HKDC1: variants seen among roughly 807,000 people sequenced by gnomAD.
HKDC1 encodes the protein hexokinase HKDC1.
In HKDC1, 66 loss-of-function variants were observed where a neutral mutation model predicts 96.6. That is an observed-to-expected ratio of 0.68 (90% confidence interval 0.56 to 0.84). The LOEUF (loss-of-function observed/expected upper bound fraction) is 0.84. Among genes scored for constraint, HKDC1 ranks in the 40% least tolerant of loss-of-function variants. The pLI, the probability that HKDC1 is intolerant of heterozygous loss-of-function variation, is 0.00. For synonymous variants in HKDC1, 466 were observed against 473.1 expected (o/e 0.98, Z 0.20); for missense variants, 1,211 against 1,208.1 (o/e 1.00, Z -0.04).
At chr10:69,226,756 C>A (rs1165833059) in intron 1 of HKDC1, among the ~76,000 whole-genome samples, 1 of 152,130 alleles carries the variant, frequency 6.6e-6, no homozygotes, top group Non-Finnish European at 1.5e-5. Flanking sequence ...CAAAGAGAAA[C>A]CTGTCTAGCT....
At chr10:69,247,121 G>T (rs1274510878) in intron 8 of HKDC1, among the ~76,000 whole-genome samples, 1 of 152,202 alleles carries the variant, frequency 6.6e-6, no homozygotes, top group Non-Finnish European at 1.5e-5. Flanking sequence ...CCTCCCGCAG[G>T]ATTTTTGTGG....
rs776482675 is a variant in HKDC1 at position 69,248,704 on chromosome 10, G to C, written c.1546G>C (p.Val516Leu). 7 of 1,610,888 alleles carry C rather than the reference G, an allele frequency of 4.3e-6. No homozygotes were observed. Among genetic ancestry groups the C allele is most frequent in the Non-Finnish European group, 5.9e-6 (7 of 1,177,916 alleles). Residue 516 changes from valine to leucine, a missense_variant, in exon 10 of 18, where the codon GTC (valine) becomes CTC (leucine). Val to Leu is a conservative substitution (Grantham distance 32). Transcript: ENST00000354624. ...LATVRMLPTY[V>L]CGLPDGTEKG... ...CACGGTCAGGATGCTGCCCACCTAC[G>C]TCTGCGGGCTGCCGGACGGCACAGG...
intron 2 of HKDC1, chr10:69,232,301 C>G (rs926768660): frequency 4.1e-5 from 7 of 172,426 alleles, no homozygotes; most frequent in Non-Finnish European, 7.5e-5. Context: ...TGTTTTCCCT[C>G]TGCCCATAGG....
Position 69,266,440 on chromosome 10 carries a change from G to A in HKDC1, c.2607-170G>A, listed in dbSNP as rs75744233. On this transcript the variant is annotated intron_variant, in intron 17 of 17. Coordinates refer to ENST00000354624, the MANE Select transcript of HKDC1 (RefSeq NM_025130.4). ...ATTGCACAACTGCAGTCTACACCCT[G>A]GGCAACAGAGTGAGACCATGTCTAA... Among the ~76,000 whole-genome samples the A allele has an allele frequency of 2.5e-3, 364 of 143,878 alleles. 2 individuals are homozygous for A. The highest frequency in any genetic ancestry group is 9.1e-3 in the African/African-American group (350 of 38,362). 94.4% of individuals were successfully genotyped at this position (143,878 alleles called of 152,430 possible). A position where few individuals can be genotyped will look rare whatever the true frequency, so the allele number is the denominator to read the frequency against.
At chr10:69,234,218 T>C (rs556332703) in intron 4 of HKDC1, among the ~76,000 whole-genome samples, 2 of 152,276 alleles carry the variant, frequency 1.3e-5, no homozygotes, top group East Asian at 3.9e-4. Context: ...TGATGCCCAG[T>C]TGACAGTCAC....
chr10:69,257,301 TTTTTTG>T lies in HKDC1; in HGVS notation c.1933-8_1933-3del, dbSNP rs756592315. The stretch of plus-strand genomic sequence containing the variant: ...ATTCAACTCATAGTAAAGCTGGGTT[TTTTTTG>T]TTTTTGTTTTTGTTTTTAGGAGTTT... On this transcript the variant is annotated intron_variant, in intron 13 of 17. Transcript: ENST00000354624. 2.5e-6 allele frequency: 4 copies of T among 1,596,364 alleles called. No individual in the cohort carries two copies. Among genetic ancestry groups the T allele is most frequent in the African/African-American group, 1.3e-5 (1 of 74,528 alleles).
chr10:69,247,656 C>T, intron 9 of HKDC1, 63 bp downstream of exon 9: 1 of 1,303,402 alleles, frequency 7.7e-7, no homozygotes, highest in South Asian at 1.3e-5. Context: ...GCCCCAGTGT[C>T]TTCTGGACTA....
At chr10:69,229,401 G>T (rs4075240) in intron 2 of HKDC1, among the ~76,000 whole-genome samples, 1 of 152,052 alleles carries the variant, frequency 6.6e-6, no homozygotes, top group South Asian at 2.1e-4. Context: ...GTTGAGCTTC[G>T]GAGAGAGACA....
At chr10:69,234,889 G>A (rs1843336687) in intron 4 of HKDC1, among the ~76,000 whole-genome samples, 2 of 152,256 alleles carry the variant, frequency 1.3e-5, no homozygotes, top group Admixed American at 1.3e-4. Context: ...GTGGGAATTT[G>A]CCATCATCTA....
rs1203217053 is a variant in HKDC1, at chr10:69,250,605, T to C, written c.1789T>C (p.Leu597=). ...GGGCCTCAAGGGAGCCTCCCTACCT[T>C]TGGGCTTCACATTCTCATTTCCCTG... ...YMGLKGASLP[L]GFTFSFPCRQ... Residue 597 remains leucine (L), a synonymous_variant, in exon 12 of 18, where the codon TTG becomes CTG. Transcript: ENST00000354624. The C allele has an allele frequency of 6.2e-7, 1 of 1,614,024 alleles. No individual in the cohort carries two copies. Among genetic ancestry groups the C allele is most frequent in the South Asian group, 1.1e-5 (1 of 91,088 alleles).
intron 6 of HKDC1, among the ~76,000 whole-genome samples, chr10:69,242,236 A>T (rs1161579215): frequency 6.6e-6 from 1 of 152,202 alleles, no homozygotes; most frequent in African/African-American, 2.4e-5. Context: ...GGCCCTTGCC[A>T]GTCATGGCAC....
At chr10:69,239,324 AGCCT>A (rs1843416784) in intron 5 of HKDC1, among the ~76,000 whole-genome samples, 187 bp downstream of exon 5, 1 of 152,236 alleles carries the variant, frequency 6.6e-6, no homozygotes, top group Non-Finnish European at 1.5e-5. Context: ...GAACCCACAG[AGCCT>A]TGGTAGGCGG....
At chr10:69,253,106 C>T (rs1438580776) in intron 12 of HKDC1, among the ~76,000 whole-genome samples, 1 of 151,864 alleles carries the variant, frequency 6.6e-6, no homozygotes, top group Admixed American at 6.6e-5. Flanking sequence ...ACAGGAAGGT[C>T]AGTATTGTGT....
Position 69,265,333 on chromosome 10 carries a change from G to A in HKDC1, c.2373-252G>A, listed in dbSNP as rs1843877985. 1.8e-5 allele frequency: 9 copies of A among 497,892 alleles called. No individual in the cohort carries two copies. In the South Asian group the frequency reaches 2.3e-4, roughly 12 times the overall value. The allele number at this position is 497,892 out of a possible 1,614,324, so 30.8% of individuals were successfully genotyped here. ...CTGCAGCTCATATGGCTTCTAGTGA[G>A]ATCACAGATATGAACATGCTGAACA... On this transcript the variant is annotated intron_variant, in intron 16 of 17. Coordinates refer to ENST00000354624, the MANE Select transcript of HKDC1 (RefSeq NM_025130.4).
Position 69,265,724 on chromosome 10 carries a change from G to T in HKDC1, c.2512G>T (p.Ala838Ser). 2 of 1,613,540 alleles carry T rather than the reference G, an allele frequency of 1.2e-6. No individual in the cohort carries two copies. The highest frequency in any genetic ancestry group is 4.5e-5 in the East Asian group (2 of 44,886). ...RAAQLCGAGL[A>S]AIVEKRREDQ... ...GGCCCAGCTCTGCGGTGCTGGCCTG[G>T]CCGCTATAGTGGAAAAAAGGAGAGA... Residue 838 changes from alanine (A) to serine (S), a missense_variant, in exon 17 of 18, where the codon GCC (alanine) becomes TCC (serine). Transcript: ENST00000354624.
chr10:69,239,556 T>G (rs1843421625), intron 5 of HKDC1, among the ~76,000 whole-genome samples: 1 of 152,198 alleles, frequency 6.6e-6, no homozygotes, highest in African/African-American at 2.4e-5. Context: ...CCATTAAATA[T>G]CCCTATTTGT....
chr10:69,236,567 G>C (rs1843364084), intron 4 of HKDC1, among the ~76,000 whole-genome samples: 1 of 151,840 alleles, frequency 6.6e-6, no homozygotes, highest in Non-Finnish European at 1.5e-5. Flanking sequence ...GATCACCTGA[G>C]GTCGGGAGTT....
chr10:69,227,861 G>A (rs1234322157), intron 2 of HKDC1, among the ~76,000 whole-genome samples: 1 of 152,200 alleles, frequency 6.6e-6, no homozygotes, highest in Admixed American at 6.5e-5. Flanking sequence ...CAAGAATGAT[G>A]TAGTGGAAAT....
At chr10:69,245,940 G>A (rs1843533982) in intron 7 of HKDC1, 139 bp from the exon 8 acceptor site, 5 of 1,034,288 alleles carry the variant, frequency 4.8e-6, no homozygotes, top group Non-Finnish European at 7.1e-6. Flanking sequence ...TTGCCATCCA[G>A]CACTTTGCGA....
Sources: allele counts gnomAD v4.1 joint callset (sites outside exome capture counted in the v4.1 genomes callset), GRCh38; gene constraint gnomAD v4.1.1; transcripts MANE v1.5; gene names NCBI Gene and HGNC (gene_info 2026-07-23, HGNC 2026-07-21).